The following LAMA2 variants were observed in gnomAD, a reference collection of about 807,000 sequenced individuals.
LAMA2 encodes laminin subunit alpha-2.
LAMA2 carries 269 observed loss-of-function variants against 364.8 expected under a neutral mutation model. That is an observed-to-expected ratio of 0.74 (90% CI 0.67 to 0.82). The LOEUF (loss-of-function observed/expected upper bound fraction) is 0.82, where lower values mean the gene tolerates loss of function less well. LAMA2 is among the 40% of genes least tolerant of loss of function. The pLI, the probability that LAMA2 is intolerant of heterozygous loss-of-function variation, is 0.00. For missense variants in LAMA2, 3,807 were observed against 3,873.2 expected, an observed-to-expected ratio of 0.98 and a Z score of 0.45; for synonymous variants, 1,379 against 1,370.6, an observed-to-expected ratio of 1.01 and a Z score of -0.14.
intron 4 of LAMA2, among the ~76,000 whole-genome samples, chr6:129,113,370 T>G (rs1443037277): frequency 6.6e-6 from 1 of 152,038 alleles, no homozygotes; most frequent in Non-Finnish European, 1.5e-5. Flanking sequence ...GGATGTAGTC[T>G]TTTTGCTGGT....
chr6:129,492,986 C>CT (rs1427243103), intron 58 of LAMA2, among the ~76,000 whole-genome samples: 1 of 152,070 alleles, frequency 6.6e-6, no homozygotes, highest in South Asian at 2.1e-4. Context: ...GAAACCCCGT[C>CT]TCTTCTAAAA....
intron 1 of LAMA2, among the ~76,000 whole-genome samples, chr6:128,921,871 C>A (rs1582683695): frequency 8.4e-6 from 1 of 118,692 alleles, no homozygotes; most frequent in East Asian, 2.9e-4. Context: ...CCCCACCCCA[C>A]AACAGTCCCC....
intron 29 of LAMA2, among the ~76,000 whole-genome samples, chr6:129,340,312 A>G (rs1298403068): frequency 1.3e-5 from 2 of 152,206 alleles, no homozygotes; most frequent in East Asian, 1.9e-4. Context: ...TTTTTAAGAC[A>G]GGAAAGGCTT....
intron 12 of LAMA2, among the ~76,000 whole-genome samples, chr6:129,200,115 T>TATATATACAC (rs1782109868): frequency 8.6e-6 from 1 of 116,032 alleles, no homozygotes. Context: ...TGTACACGTA[T>TATATATACAC]ATATATGTGT....
intron 3 of LAMA2, among the ~76,000 whole-genome samples, chr6:129,060,255 G>A (rs915976397): frequency 6.6e-6 from 1 of 152,210 alleles, no homozygotes; most frequent in Non-Finnish European, 1.5e-5. Context: ...CTCCCACTGT[G>A]CTGATGGTGT....
intron 1 of LAMA2, among the ~76,000 whole-genome samples, chr6:128,965,728 A>T (rs1338596377): frequency 2.0e-5 from 3 of 152,008 alleles, no homozygotes; most frequent in Non-Finnish European, 4.4e-5. Context: ...ACAGATTAAA[A>T]ATATTTTCTG....
At chr6:129,005,909 T>C (rs1784420129) in intron 1 of LAMA2, among the ~76,000 whole-genome samples, 1 of 151,782 alleles carries the variant, frequency 6.6e-6, no homozygotes, top group African/African-American at 2.4e-5. Flanking sequence ...AACTTCAGCA[T>C]TTTTTGTTTG....
At chr6:129,202,867 C>G (rs1239634183) in intron 12 of LAMA2, among the ~76,000 whole-genome samples, 3 of 152,138 alleles carry the variant, frequency 2.0e-5, no homozygotes, top group East Asian at 3.9e-4. Flanking sequence ...GAAAGTTCTT[C>G]AGGCAAAAGA....
chr6:128,896,919 C>G (rs1415189012), intron 1 of LAMA2, among the ~76,000 whole-genome samples: 1 of 152,210 alleles, frequency 6.6e-6, no homozygotes, highest in Non-Finnish European at 1.5e-5. Flanking sequence ...TGAAATAAAA[C>G]TAGTTAACAT....
chr6:129,246,479 A>C (rs553392249), intron 12 of LAMA2, among the ~76,000 whole-genome samples: 2 of 152,314 alleles, frequency 1.3e-5, no homozygotes, highest in South Asian at 4.1e-4. Context: ...AGTTCACTGC[A>C]GCACCCTGGG....
chr6:129,385,596 C>A (rs536910185), intron 35 of LAMA2, among the ~76,000 whole-genome samples: 1 of 152,082 alleles, frequency 6.6e-6, no homozygotes, highest in Non-Finnish European at 1.5e-5. Context: ...GTCATGACCT[C>A]GTTATAGATA....
intron 61 of LAMA2, among the ~76,000 whole-genome samples, chr6:129,506,887 C>T (rs983212724): frequency 6.6e-6 from 1 of 152,112 alleles, no homozygotes; most frequent in African/African-American, 2.4e-5. Context: ...AAGCAATTCA[C>T]TTGAATTTCT....
At position 129,228,021 on chromosome 6, in the gene LAMA2, C is replaced by T. The variant is rs537073757; in HGVS notation, c.1783-22091C>T. On this transcript the variant is annotated intron_variant, in intron 12 of 64. Transcript: ENST00000421865. ...ACAGTTTGTTTGCCTACTCAAGCCTCGGCAATGGCGGGCGCCCCTCTCCCA... is the reference window on the plus strand; with the variant it reads ...ACAGTTTGTTTGCCTACTCAAGCCTTGGCAATGGCGGGCGCCCCTCTCCCA... Among the ~76,000 whole-genome samples, 172 of 152,250 alleles carry T rather than the reference C, an allele frequency of 1.1e-3. 3 individuals carry two copies. The Middle Eastern group carries it at 0.02, about 18-fold the overall frequency.
intron 1 of LAMA2, among the ~76,000 whole-genome samples, chr6:129,035,334 C>T (rs1440323254): frequency 5.0e-5 from 7 of 141,178 alleles, no homozygotes; most frequent in Non-Finnish European, 9.2e-5. Flanking sequence ...CTGTTAATTT[C>T]CTTTGCCCAC....
chr6:129,325,136 C>G (rs912336361), intron 28 of LAMA2, among the ~76,000 whole-genome samples: 2 of 152,110 alleles, frequency 1.3e-5, no homozygotes, highest in African/African-American at 4.8e-5. Context: ...TCCTCTCTAC[C>G]CTCCCACATT....
At chr6:128,989,271 G>C (rs1055194944) in intron 1 of LAMA2, among the ~76,000 whole-genome samples, 2 of 152,156 alleles carry the variant, frequency 1.3e-5, no homozygotes, top group African/African-American at 4.8e-5. Context: ...TATGAAGATA[G>C]AATAATGTAG....
At chr6:129,302,384 C>T (rs542422557) in intron 22 of LAMA2, among the ~76,000 whole-genome samples, 15 of 151,990 alleles carry the variant, frequency 9.9e-5, no homozygotes, top group African/African-American at 3.6e-4. Flanking sequence ...TAATGCATTG[C>T]AAGGATTATT....
chr6:129,497,616 A>C (rs1259695802), intron 58 of LAMA2, among the ~76,000 whole-genome samples: 1 of 152,218 alleles, frequency 6.6e-6, no homozygotes, highest in Non-Finnish European at 1.5e-5. Flanking sequence ...CCTATTTATG[A>C]GCTCCATATT....
intron 40 of LAMA2, 62 bp from the exon 41 acceptor site, chr6:129,427,690 G>A: frequency 1.7e-6 from 2 of 1,208,738 alleles, no homozygotes; most frequent in African/African-American, 3.0e-5. Flanking sequence ...ACTGCCTTCT[G>A]GATCCCTCCA....
Sources: allele counts gnomAD v4.1 joint callset (sites outside exome capture counted in the v4.1 genomes callset), GRCh38; gene constraint gnomAD v4.1.1; transcripts MANE v1.5; gene names NCBI Gene and HGNC (gene_info 2026-07-23, HGNC 2026-07-21).